The following ABAT variants were observed in gnomAD, a reference collection of about 807,000 sequenced individuals.
The protein encoded by ABAT is 4-aminobutyrate aminotransferase, mitochondrial.
Under a neutral mutation model 64.6 loss-of-function variants are expected in ABAT, and 45 were observed. That is an observed-to-expected ratio of 0.70 (90% confidence interval 0.55 to 0.89). ABAT has a LOEUF of 0.89. ABAT is among the 40% of genes least tolerant of loss of function. ABAT has a pLI of 0.00. For missense variants in ABAT, 633 were observed against 658.4 expected (o/e 0.96, Z 0.42); for synonymous variants, 297 against 250.5 (o/e 1.19, Z -1.75).
At chr16:8,766,362 A>T in intron 9 of ABAT, 92 bp downstream of exon 9, 1 of 1,282,488 alleles carries the variant, frequency 7.8e-7, no homozygotes, top group Admixed American at 1.9e-5. Flanking sequence ...GTCCTCAATT[A>T]GGAAGGGCCA....
At chr16:8,712,369 G>C (rs1009085498) in intron 1 of ABAT, among the ~76,000 whole-genome samples, 1 of 152,208 alleles carries the variant, frequency 6.6e-6, no homozygotes, top group Admixed American at 6.5e-5. Flanking sequence ...AACAGGATGT[G>C]ATAAAGCACA....
intron 1 of ABAT, among the ~76,000 whole-genome samples, chr16:8,718,029 G>A (rs557687060): frequency 2.5e-4 from 38 of 152,258 alleles, no homozygotes; most frequent in Non-Finnish European, 4.4e-4. Flanking sequence ...AAGCCTCACA[G>A]ACCCGAGTTT....
chr16:8,677,066 C>T (rs1054473495), intron 1 of ABAT, among the ~76,000 whole-genome samples: 5 of 152,114 alleles, frequency 3.3e-5, no homozygotes, highest in African/African-American at 9.7e-5. Flanking sequence ...GTAGAGAGGC[C>T]GAGAGGTTGG....
rs930669857 is a variant in ABAT at position 8,782,359 on chromosome 16, T to G, written c.*929T>G. 6.6e-6 allele frequency: 1 copy of G among 152,308 alleles called. No homozygotes were observed. Among genetic ancestry groups the G allele is most frequent in the African/African-American group, 2.4e-5 (1 of 41,432 alleles). The allele number at this position is 152,308 out of a possible 1,614,324, so 9.4% of individuals were successfully genotyped here. On this transcript the variant is annotated 3_prime_UTR_variant, in exon 16 of 16. Coordinates refer to ENST00000268251, the MANE Select transcript of ABAT (RefSeq NM_020686.6). ...TCCCAGGGCAACTTGAGGTCTGACT[T>G]TTGGCTCCCTCGCCCTAAGAGGCTC...
At chr16:8,723,809 T>TTTTA (rs1220757634) in intron 1 of ABAT, among the ~76,000 whole-genome samples, 1 of 44,808 alleles carries the variant, frequency 2.2e-5, no homozygotes, top group African/African-American at 8.2e-5. Context: ...TCCAAGCTTT[T>TTTTA]TATATATATA....
In ABAT at chr16:8,768,946, A is replaced by T. The variant is rs749392643; in HGVS notation, c.789A>T (p.Gln263His). The change falls in exon 11 of 16, where the codon CAA becomes CAT. Residue 263 changes from glutamine to histidine, a missense_variant. Coordinates refer to ENST00000268251, the MANE Select transcript of ABAT (RefSeq NM_020686.6). Reference protein sequence around the residue: ...YPLEEFVKENQQEEARCLEEV... With the variant: ...YPLEEFVKENHQEEARCLEEV... ...TGGAAGAGTTTGTGAAAGAGAACCA[A>T]CAGGAGGAGGCCCGCTGTCTGGAAG... is the stretch of plus-strand genomic sequence containing the variant. 6.2e-7 allele frequency: 1 copy of T among 1,614,174 alleles called. No individual in the cohort carries two copies. Among genetic ancestry groups the T allele is most frequent in the Non-Finnish European group, 8.5e-7 (1 of 1,180,016 alleles).
At chr16:8,707,948 C>G (rs748226580) in intron 1 of ABAT, among the ~76,000 whole-genome samples, 3 of 152,162 alleles carry the variant, frequency 2.0e-5, no homozygotes, top group Non-Finnish European at 4.4e-5. Flanking sequence ...ACCACCATCC[C>G]CATCTCCAAG....
At chr16:8,690,551 GACA>G (rs1270240272) in intron 1 of ABAT, among the ~76,000 whole-genome samples, 6 of 152,134 alleles carry the variant, frequency 3.9e-5, no homozygotes, top group African/African-American at 1.2e-4. Context: ...CGTACAGAAT[GACA>G]ACATTTCTGG....
intron 5 of ABAT, among the ~76,000 whole-genome samples, chr16:8,755,225 T>C (rs1415797217): frequency 3.3e-5 from 5 of 152,110 alleles, no homozygotes; most frequent in African/African-American, 1.2e-4. Flanking sequence ...GAGGTGGGTC[T>C]CCTACGCCTC....
At position 8,781,209 on chromosome 16, in the gene ABAT, GGA is replaced by G. The variant is rs767915676; in HGVS notation, c.1382-99_1382-98del. The G allele has an allele frequency of 3.2e-6, 5 of 1,567,794 alleles. No homozygotes were observed. The South Asian group carries it at 5.5e-5, about 17-fold the overall frequency. On this transcript the variant is annotated intron_variant, in intron 15 of 15. Transcript: ENST00000268251. This position sits in a 1 kb window ranked among gnomAD's most constrained non-coding sequence, Gnocchi z 4.5. ...GAGGATGATGGATGGATGGATGGAT[GGA>G]TGGATGAGCGTTGCCAACAGGCATC... is the stretch of plus-strand genomic sequence containing the variant.
chr16:8,714,271 C>T (rs1335740796), intron 1 of ABAT, among the ~76,000 whole-genome samples: 2 of 152,132 alleles, frequency 1.3e-5, no homozygotes, highest in African/African-American at 2.4e-5. Flanking sequence ...TTGTTCAAGC[C>T]GCTAAATAAA....
intron 12 of ABAT, 94 bp downstream of exon 12, chr16:8,773,011 T>A: frequency 6.4e-7 from 1 of 1,555,776 alleles, no homozygotes; most frequent in Non-Finnish European, 8.8e-7. Context: ...CCTTGGAGCT[T>A]CTGTCAATCT....
chr16:8,687,585 C>T (rs890229465), intron 1 of ABAT, among the ~76,000 whole-genome samples: 15 of 152,216 alleles, frequency 9.9e-5, no homozygotes, highest in African/African-American at 3.1e-4. Context: ...TTGGACTGAG[C>T]AGTCCTTCCA....
intron 1 of ABAT, among the ~76,000 whole-genome samples, chr16:8,724,746 C>CAAAAAAAA (rs869130725): frequency 1.5e-4 from 1 of 6,580 alleles, no homozygotes; most frequent in Non-Finnish European, 3.8e-4. Context: ...AAAAAAAAAA[C>CAAAAAAAA]AAAAAAAAAA....
Position 8,750,674 on chromosome 16 carries a change from A to G in ABAT, c.316+135A>G, listed in dbSNP as rs1304840467. 25 of 806,058 alleles carry G rather than the reference A, an allele frequency of 3.1e-5. No individual in the cohort carries two copies. In the East Asian group the frequency reaches 5.4e-4, roughly 17 times the overall value. 49.9% of individuals were successfully genotyped at this position (806,058 alleles called of 1,614,324 possible). A position where few individuals can be genotyped will look rare whatever the true frequency, so the allele number is the denominator to read the frequency against. Reference sequence around the variant, plus strand: ...GCCTGACACTTCACCCAAGGGTAGGAAAAAAATAAATAATGTGTAAAGGGT... The same window carrying G: ...GCCTGACACTTCACCCAAGGGTAGGGAAAAAATAAATAATGTGTAAAGGGT... On this transcript the variant is annotated intron_variant, in intron 5 of 15. Transcript: ENST00000268251.
At chr16:8,745,878 C>G in intron 2 of ABAT, 123 bp from the exon 3 acceptor site, 4 of 877,092 alleles carry the variant, frequency 4.6e-6, no homozygotes, top group Non-Finnish European at 7.5e-6. Context: ...CTGGGGTGGT[C>G]TGGCTGGGAT....
intron 1 of ABAT, chr16:8,722,727 C>T (rs2058407561): frequency 2.0e-6 from 2 of 1,002,620 alleles, no homozygotes; most frequent in Non-Finnish European, 2.7e-6. Context: ...GAAAGCACCT[C>T]CCTTCTAACC....
chr16:8,694,189 C>A (rs894852394), intron 1 of ABAT, among the ~76,000 whole-genome samples: 2 of 136,448 alleles, frequency 1.5e-5, no homozygotes, highest in African/African-American at 5.7e-5. Context: ...GCCACAATGC[C>A]CAGATTTTTT....
chr16:8,706,164 C>G (rs1008483794), intron 1 of ABAT, among the ~76,000 whole-genome samples: 12 of 151,808 alleles, frequency 7.9e-5, no homozygotes, highest in African/African-American at 1.5e-4. Flanking sequence ...TCCCAACACC[C>G]TGAGAGGCTG....
Sources: gnomAD v4.1 joint callset for allele counts (sites outside exome capture counted in the v4.1 genomes callset) on GRCh38, gnomAD v4.1.1 for gene constraint, Gnocchi (gnomAD v3.1) non-coding constraint, MANE v1.5 for transcripts, NCBI Gene and HGNC (gene_info 2026-07-23, HGNC 2026-07-21) for gene names.